Variants in ST6GAL2 observed in about 807,000 individuals in gnomAD.
ST6GAL2 encodes the protein ST6 beta-galactoside alpha-2,6-sialyltransferase 2.
ST6GAL2 carries 24 observed loss-of-function variants against 37.5 expected under a neutral mutation model. The ratio of observed to expected loss-of-function variants is 0.64; its 90% CI spans 0.46 to 0.90. The LOEUF is 0.90. Among genes scored for constraint, ST6GAL2 ranks in the 40% least tolerant of loss-of-function variants. ST6GAL2 has a pLI of 0.00. For missense variants in ST6GAL2, 715 were observed against 712.7 expected, an observed-to-expected ratio of 1.00 and a Z score of -0.04; for synonymous variants, 306 against 295.1, an observed-to-expected ratio of 1.04 and a Z score of -0.38.
upstream of ST6GAL2, chr2:106,886,223 C>A (rs939211021): frequency 6.6e-6 from 1 of 152,296 alleles, no homozygotes; most frequent in Non-Finnish European, 1.5e-5. Flanking sequence ...CGGGTGCGCG[C>A]GCTACGCGCT....
intron 1 of ST6GAL2, among the ~76,000 whole-genome samples, chr2:106,864,691 C>T (rs951602414): frequency 3.3e-5 from 5 of 152,118 alleles, no homozygotes; most frequent in African/African-American, 4.8e-5. Flanking sequence ...CAACCTAGCC[C>T]GCCTTCAGGA....
rs1675281025 is a variant in ST6GAL2 at position 106,802,226 on chromosome 2, A to G, written c.*4452T>C. The G allele has an allele frequency of 6.6e-6, 1 of 152,158 alleles. No individual in the cohort carries two copies. The highest frequency in any genetic ancestry group is 1.5e-5 in the Non-Finnish European group (1 of 68,044). The allele number at this position is 152,158 out of a possible 1,614,324, so 9.4% of individuals were successfully genotyped here. ...ATATAACATTTGCTTCCTTCTCTCA[A>G]AATATTAGTGGTTACATAATTAAAA... On this transcript the variant is annotated 3_prime_UTR_variant, in exon 6 of 6. Coordinates refer to ENST00000409382, the MANE Select transcript of ST6GAL2 (RefSeq NM_001142351.2).
At chr2:106,847,992 G>C (rs548518628) in intron 1 of ST6GAL2, among the ~76,000 whole-genome samples, 1 of 151,998 alleles carries the variant, frequency 6.6e-6, no homozygotes, top group East Asian at 1.9e-4. Context: ...CCTGGATGCC[G>C]GGCAGCCCAA....
intron 1 of ST6GAL2, among the ~76,000 whole-genome samples, chr2:106,858,946 A>G (rs955537476): frequency 6.6e-6 from 1 of 152,160 alleles, no homozygotes; most frequent in Admixed American, 6.5e-5. Flanking sequence ...CTGCACAACT[A>G]AAGAAGAAGG....
rs192566743 is a variant in ST6GAL2, at chr2:106,826,527, G to A, written c.1318+3539C>T. ...TGCACTCCAGCCTGAGTAACACAGCGAGACTCCGTCTCAAAAAAAAAAAAA... is the reference window on the plus strand; with the variant it reads ...TGCACTCCAGCCTGAGTAACACAGCAAGACTCCGTCTCAAAAAAAAAAAAA... On this transcript the variant is annotated intron_variant, in intron 5 of 5. Coordinates refer to ENST00000409382, the MANE Select transcript of ST6GAL2 (RefSeq NM_001142351.2). Among the ~76,000 whole-genome samples the A allele has an allele frequency of 3.9e-4, 55 of 142,326 alleles. No homozygotes were observed. The East Asian group carries it at 0.011, about 28-fold the overall frequency. The allele number at this position is 142,326 out of a possible 152,430, so 93.4% of individuals were successfully genotyped here. A position where few individuals can be genotyped will look rare whatever the true frequency, so the allele number is the denominator to read the frequency against.
At chr2:106,874,213 G>A (rs1678400534) in intron 1 of ST6GAL2, among the ~76,000 whole-genome samples, 1 of 152,146 alleles carries the variant, frequency 6.6e-6, no homozygotes, top group Non-Finnish European at 1.5e-5. Context: ...GAGAAATGAT[G>A]CTGTGCTGCA....
intron 5 of ST6GAL2, among the ~76,000 whole-genome samples, chr2:106,807,785 C>T (rs898341589): frequency 4.0e-5 from 6 of 151,848 alleles, no homozygotes; most frequent in East Asian, 1.9e-4. Flanking sequence ...CCACCACGCC[C>T]GGCTAATATT....
intron 5 of ST6GAL2, among the ~76,000 whole-genome samples, chr2:106,809,667 T>C (rs1476426100): frequency 6.6e-6 from 1 of 152,190 alleles, no homozygotes; most frequent in Non-Finnish European, 1.5e-5. Context: ...TCAGGTTCTA[T>C]TGGTTTGTGC....
intron 5 of ST6GAL2, among the ~76,000 whole-genome samples, chr2:106,814,610 A>G (rs1012193183): frequency 1.3e-5 from 2 of 152,188 alleles, no homozygotes; most frequent in African/African-American, 4.8e-5. Flanking sequence ...CCCTGGCTAC[A>G]AGGCCTGTCT....
intron 1 of ST6GAL2, among the ~76,000 whole-genome samples, chr2:106,869,132 T>C (rs1380950102): frequency 6.6e-6 from 1 of 151,948 alleles, no homozygotes; most frequent in Non-Finnish European, 1.5e-5. Context: ...TGGAGGGGAT[T>C]TGGGGAGTGG....
In ST6GAL2 at chr2:106,802,004, A is replaced by G. The variant is rs1675276016; in HGVS notation, c.*4674T>C. 6.6e-6 allele frequency: 1 copy of G among 152,234 alleles called. No individual in the cohort carries two copies. Among genetic ancestry groups the G allele is most frequent in the Non-Finnish European group, 1.5e-5 (1 of 68,042 alleles). The allele number at this position is 152,234 out of a possible 1,614,324, so 9.4% of individuals were successfully genotyped here. A position where few individuals can be genotyped will look rare whatever the true frequency, so the allele number is the denominator to read the frequency against. On this transcript the variant is annotated 3_prime_UTR_variant, in exon 6 of 6. Coordinates refer to ENST00000409382, the MANE Select transcript of ST6GAL2 (RefSeq NM_001142351.2). ...TTCTAATCTTTGAAAGCCATGAGCTACAGCTAAGCTTCCCTTCAAAGTTCA... is the reference window on the plus strand; with the variant it reads ...TTCTAATCTTTGAAAGCCATGAGCTGCAGCTAAGCTTCCCTTCAAAGTTCA...
chr2:106,831,715 C>T (rs1010972675), intron 4 of ST6GAL2, among the ~76,000 whole-genome samples: 2 of 152,156 alleles, frequency 1.3e-5, no homozygotes, highest in Non-Finnish European at 2.9e-5. Context: ...TCAAGGTCAA[C>T]AGTGACCAAA....
chr2:106,806,852 G>C lies in ST6GAL2; in HGVS notation c.1416C>G (p.Tyr472Ter). 1.2e-6 allele frequency: 2 copies of C among 1,614,184 alleles called. No homozygotes were observed. The highest frequency in any genetic ancestry group is 2.2e-5 in the East Asian group (1 of 44,872). ...CCCCGAGGGTGCAGGCTGCGTCGTA[G>C]TACAGCTCGTGGTAGTGGCACAGCT... ...QTELCHYHEL[Y>*]YDAACTLGAY... is the part of the protein sequence containing the mutation. Residue 472 changes from tyrosine to a stop codon, truncating the protein, a stop_gained, in exon 6 of 6, where the codon TAC becomes TAG. Coordinates refer to ENST00000409382, the MANE Select transcript of ST6GAL2 (RefSeq NM_001142351.2). LOFTEE classifies it high-confidence loss of function.
chr2:106,844,767 G>C (rs144825814), intron 1 of ST6GAL2, among the ~76,000 whole-genome samples: 1 of 152,278 alleles, frequency 6.6e-6, no homozygotes, highest in Non-Finnish European at 1.5e-5. Context: ...TGAAATAGGA[G>C]GAGAGATGGG....
chr2:106,820,580 A>G (rs888235620), intron 5 of ST6GAL2, among the ~76,000 whole-genome samples: 3 of 152,258 alleles, frequency 2.0e-5, no homozygotes, highest in African/African-American at 7.2e-5. Context: ...TCATACAGAC[A>G]GAAAATCAAC....
intron 2 of ST6GAL2, among the ~76,000 whole-genome samples, chr2:106,836,051 G>T (rs1676622437): frequency 6.6e-6 from 1 of 151,826 alleles, no homozygotes; most frequent in African/African-American, 2.4e-5. Flanking sequence ...TATATCTACT[G>T]ATATTTACCA....
Position 106,802,512 on chromosome 2 carries a change from C to T in ST6GAL2, c.*4166G>A, listed in dbSNP as rs765926086. 1.2e-4 allele frequency: 18 copies of T among 152,098 alleles called. No homozygotes were observed. Among genetic ancestry groups the T allele is most frequent in the East Asian group, 3.9e-4 (2 of 5,180 alleles). 9.4% of individuals were successfully genotyped at this position (152,098 alleles called of 1,614,324 possible). A position where few individuals can be genotyped will look rare whatever the true frequency, so the allele number is the denominator to read the frequency against. On this transcript the variant is annotated 3_prime_UTR_variant, in exon 6 of 6. Coordinates refer to ENST00000409382, the MANE Select transcript of ST6GAL2 (RefSeq NM_001142351.2). ...AGAACTTACATTTTATTTCCTTGAA[C>T]GGACAGAGAAATACCTTTCATTTAT...
chr2:106,831,654 C>T (rs1676430146), intron 4 of ST6GAL2, among the ~76,000 whole-genome samples: 1 of 152,138 alleles, frequency 6.6e-6, no homozygotes, highest in South Asian at 2.1e-4. Flanking sequence ...GACTTGCACT[C>T]CTGGTCAAGA....
At chr2:106,878,701 G>C (rs1380009878) in intron 1 of ST6GAL2, among the ~76,000 whole-genome samples, 3 of 152,164 alleles carry the variant, frequency 2.0e-5, no homozygotes, top group African/African-American at 7.2e-5. Context: ...AAATATACAG[G>C]AGAATCTGCC....
Sources: gnomAD v4.1 joint callset for allele counts (sites outside exome capture counted in the v4.1 genomes callset) on GRCh38, gnomAD v4.1.1 for gene constraint, MANE v1.5 for transcripts, NCBI Gene and HGNC (gene_info 2026-07-23, HGNC 2026-07-21) for gene names.